The following ITFG2 variants were observed in gnomAD, a reference collection of about 807,000 sequenced individuals.
ITFG2 encodes the protein KICSTOR complex protein ITFG2.
In ITFG2, 36 loss-of-function variants were observed where a neutral mutation model predicts 54.4. The ratio of observed to expected loss-of-function variants is 0.66; its 90% CI spans 0.51 to 0.87. The LOEUF is 0.87. Among genes scored for constraint, ITFG2 ranks in the 40% least tolerant of loss-of-function variants. The pLI is 0.00. For synonymous variants in ITFG2, 211 were observed against 225.4 expected (o/e 0.94, Z 0.57); for missense variants, 524 against 576.7 (o/e 0.91, Z 0.94).
chr12:2,828,478 T>C, downstream of ITFG2: 1 of 1,217,050 alleles, frequency 8.2e-7, no homozygotes, highest in Admixed American at 1.9e-5. Context: ...ATTGGATCCT[T>C]CAGTTTCCCA....
chr12:2,823,977 C>T (rs752224709), intron 11 of ITFG2, 34 bp downstream of exon 11: 2 of 1,611,792 alleles, frequency 1.2e-6, no homozygotes, highest in Non-Finnish European at 8.5e-7. Flanking sequence ...CCCGAGTGCC[C>T]AGGAGACCCA....
intron 3 of ITFG2, chr12:2,858,848 GGGA>G (rs2098099351): frequency 6.2e-7 from 1 of 1,614,164 alleles, no homozygotes; most frequent in East Asian, 2.2e-5. Flanking sequence ...CTATATCTGA[GGGA>G]GAAGAGTTGC....
downstream of ITFG2, chr12:2,828,363 G>C (rs150931045): frequency 4.3e-6 from 7 of 1,614,000 alleles, no homozygotes; most frequent in African/African-American, 9.3e-5. Flanking sequence ...GCAGAGATCC[G>C]ATTGTATTGG....
At chr12:2,814,699 G>A (rs926875323) in intron 1 of ITFG2, among the ~76,000 whole-genome samples, 3 of 140,192 alleles carry the variant, frequency 2.1e-5, no homozygotes, top group Non-Finnish European at 3.0e-5. Context: ...AGGTGTGGTG[G>A]TGCATGCTTG....
chr12:2,827,639 G>C (rs770467035), downstream of ITFG2: 5 of 1,614,196 alleles, frequency 3.1e-6, no homozygotes, highest in East Asian at 1.1e-4. This position sits in a 1 kb window ranked among gnomAD's most constrained non-coding sequence, Gnocchi z 4.0. Context: ...AGAGAAAGCA[G>C]AGTCTGCAGG....
Position 2,841,787 on chromosome 12 carries a change from C to T in ITFG2, n.300+792C>T, listed in dbSNP as rs192466432. Among the ~76,000 whole-genome samples, 283 of 151,874 alleles carry T rather than the reference C, an allele frequency of 1.9e-3. 1 individual carries two copies. The highest frequency in any genetic ancestry group is 3.5e-3 in the Non-Finnish European group (237 of 67,966). On this transcript the variant is annotated intron_variant and non_coding_transcript_variant, in intron 2 of 3. Transcript: ENST00000537710. ...AGGCTGGAGTGCAGTGGCATGATCT[C>T]GGCTCACTGCAACCTCCGCCTCCTG...
chr12:2,834,498 G>C, upstream of ITFG2: 1 of 1,187,354 alleles, frequency 8.4e-7, no homozygotes, highest in Non-Finnish European at 1.1e-6. Context: ...CCTTGAGTTG[G>C]CAGGATGACC....
intron 1 of ITFG2, among the ~76,000 whole-genome samples, chr12:2,815,628 T>C (rs1243989249): frequency 6.6e-6 from 1 of 152,248 alleles, no homozygotes; most frequent in Non-Finnish European, 1.5e-5. Flanking sequence ...AGTTAGATTC[T>C]CCAAAACTCC....
At chr12:2,833,390 A>G (rs951151995), upstream of ITFG2, among the ~76,000 whole-genome samples, 1 of 151,090 alleles carries the variant, frequency 6.6e-6, no homozygotes, top group Admixed American at 6.6e-5. Flanking sequence ...TCTCAGTGCA[A>G]TCCCTTTTCT....
At chr12:2,853,284 T>G (rs2098076808) in intron 2 of ITFG2, among the ~76,000 whole-genome samples, 1 of 150,388 alleles carries the variant, frequency 6.6e-6, no homozygotes, top group South Asian at 2.1e-4. Flanking sequence ...GGTTTTTTGT[T>G]TTTTTTTTTA....
chr12:2,830,949 C>T, downstream of ITFG2: 1 of 1,402,926 alleles, frequency 7.1e-7, no homozygotes, highest in Non-Finnish European at 9.7e-7. Flanking sequence ...CCCCAGGATG[C>T]TCCCCCCACC....
At chr12:2,816,636 C>CTT (rs57417012) in intron 1 of ITFG2, among the ~76,000 whole-genome samples, 13 of 111,252 alleles carry the variant, frequency 1.2e-4, no homozygotes, top group South Asian at 5.7e-4. Flanking sequence ...GCCTTTTTTT[C>CTT]TTTTTTTTTT....
downstream of ITFG2, chr12:2,827,352 C>T: frequency 6.4e-7 from 1 of 1,567,774 alleles, no homozygotes; most frequent in African/African-American, 1.4e-5. The surrounding 1 kb of genome is among the most constrained non-coding windows in gnomAD (Gnocchi z 4.0). Context: ...CACCTGCCTC[C>T]CGGCCTGCTC....
intron 2 of ITFG2, among the ~76,000 whole-genome samples, chr12:2,854,001 TG>T (rs1372511330): frequency 6.6e-6 from 1 of 152,228 alleles, no homozygotes; most frequent in Non-Finnish European, 1.5e-5. Flanking sequence ...CCTGAATTTC[TG>T]TAACGACATC....
chr12:2,858,774 G>C, intron 3 of ITFG2: 1 of 1,614,230 alleles, frequency 6.2e-7, no homozygotes, highest in Non-Finnish European at 8.5e-7. Flanking sequence ...CAGGCCTTCT[G>C]TCAGAGAACG....
intron 2 of ITFG2, among the ~76,000 whole-genome samples, chr12:2,844,824 A>G (rs1292601695): frequency 3.3e-5 from 5 of 152,192 alleles, no homozygotes; most frequent in African/African-American, 1.2e-4. Flanking sequence ...CCATGTCATG[A>G]TACCTAGTGT....
upstream of ITFG2, among the ~76,000 whole-genome samples, chr12:2,834,131 C>T (rs76704602): frequency 5.0e-4 from 76 of 152,322 alleles, no homozygotes; most frequent in East Asian, 0.012. Context: ...GCACTCAAGG[C>T]GGCCAGGGGC....
exon 2 of ITFG2, chr12:2,840,945 A>G (rs2098039613): frequency 6.6e-6 from 1 of 152,454 alleles, no homozygotes; most frequent in South Asian, 2.1e-4. Flanking sequence ...CACTATGGAG[A>G]GGGCCATGCA....
chr12:2,848,873 A>ACG (rs1244689030), intron 2 of ITFG2, among the ~76,000 whole-genome samples: 3 of 114,140 alleles, frequency 2.6e-5, no homozygotes, highest in African/African-American at 3.7e-5. Flanking sequence ...ACAGACACAC[A>ACG]CACGCACACA....
Sources: gnomAD v4.1 joint callset for allele counts (sites outside exome capture counted in the v4.1 genomes callset) on GRCh38, gnomAD v4.1.1 for gene constraint, Gnocchi (gnomAD v3.1) non-coding constraint, MANE v1.5 for transcripts, NCBI Gene and HGNC (gene_info 2026-07-23, HGNC 2026-07-21) for gene names.